NELL1: variants seen among roughly 807,000 people sequenced by gnomAD.
NELL1 encodes neural EGFL like 1.
A neutral mutation model predicts 107.4 loss-of-function variants in NELL1; 76 were observed. The observed-to-expected ratio is 0.71, with a 90% CI of 0.59 to 0.86. The LOEUF (loss-of-function observed/expected upper bound fraction) is 0.86, where lower values mean the gene tolerates loss of function less well. Ranked by LOEUF, NELL1 falls within the 40% of genes least tolerant of loss-of-function variation. The pLI is 0.00. For missense variants in NELL1, 1,024 were observed against 1,005.5 expected (o/e 1.02, Z -0.25); for synonymous variants, 353 against 341.2 (o/e 1.03, Z -0.38).
At chr11:21,199,412 C>T (rs993693041) in intron 13 of NELL1, among the ~76,000 whole-genome samples, 2 of 152,140 alleles carry the variant, frequency 1.3e-5, no homozygotes, top group African/African-American at 4.8e-5. Flanking sequence ...TACACATTCC[C>T]AGGAAAACTC....
intron 2 of NELL1, among the ~76,000 whole-genome samples, chr11:20,691,645 T>C (rs1854469473): frequency 6.6e-6 from 1 of 152,020 alleles, no homozygotes; most frequent in South Asian, 2.1e-4. Context: ...AACTTGATCA[T>C]GGTGGATAAG....
At chr11:21,183,588 G>A (rs963215805) in intron 13 of NELL1, among the ~76,000 whole-genome samples, 1 of 151,734 alleles carries the variant, frequency 6.6e-6, no homozygotes, top group Non-Finnish European at 1.5e-5. Context: ...TGCAGGCATC[G>A]ATCTGTTTGA....
At chr11:21,393,266 G>A (rs891186976) in intron 15 of NELL1, among the ~76,000 whole-genome samples, 17 of 151,666 alleles carry the variant, frequency 1.1e-4, no homozygotes, top group Admixed American at 1.1e-3. Flanking sequence ...TCTGCAGATG[G>A]TCCTTTGTGG....
At chr11:20,690,755 T>A (rs36150129) in intron 2 of NELL1, among the ~76,000 whole-genome samples, 1 of 151,088 alleles carries the variant, frequency 6.6e-6, no homozygotes. Flanking sequence ...AGGATTGACT[T>A]GGCGATGTGG....
At chr11:20,963,911 T>A (rs115468884) in intron 12 of NELL1, among the ~76,000 whole-genome samples, 1 of 152,132 alleles carries the variant, frequency 6.6e-6, no homozygotes, top group Non-Finnish European at 1.5e-5. Context: ...GGCTTTCAAT[T>A]TTCTTAACTT....
chr11:21,401,190 A>G (rs970936325), intron 15 of NELL1, among the ~76,000 whole-genome samples: 1 of 151,804 alleles, frequency 6.6e-6, no homozygotes, highest in Non-Finnish European at 1.5e-5. Context: ...TGTCTTTTCT[A>G]TGAAAACATA....
intron 3 of NELL1, among the ~76,000 whole-genome samples, chr11:20,825,483 C>G (rs1438004300): frequency 6.6e-6 from 1 of 151,434 alleles, no homozygotes; most frequent in Non-Finnish European, 1.5e-5. Context: ...CCACCTCTTG[C>G]ATCTGTGTGA....
intron 3 of NELL1, among the ~76,000 whole-genome samples, chr11:20,797,166 T>C (rs535007959): frequency 3.3e-5 from 5 of 152,254 alleles, no homozygotes; most frequent in Non-Finnish European, 5.9e-5. Context: ...ATGGAAAGGA[T>C]ATAAGCACAG....
intron 5 of NELL1, among the ~76,000 whole-genome samples, chr11:20,905,253 A>T (rs1166766221): frequency 6.6e-6 from 1 of 152,194 alleles, no homozygotes; most frequent in Non-Finnish European, 1.5e-5. Flanking sequence ...GGACTACTGT[A>T]GTATTCAACA....
chr11:21,081,615 T>G (rs2133671363), intron 12 of NELL1, among the ~76,000 whole-genome samples: 1 of 152,200 alleles, frequency 6.6e-6, no homozygotes, highest in South Asian at 2.1e-4. Context: ...AGCATGAGAG[T>G]CATTCTTGAC....
At chr11:20,803,515 T>TTTG (rs1244054425) in intron 3 of NELL1, among the ~76,000 whole-genome samples, 1 of 152,176 alleles carries the variant, frequency 6.6e-6, no homozygotes, top group Admixed American at 6.5e-5. Context: ...TCATTGATCT[T>TTTG]TTGTATTGTT....
chr11:21,100,935 C>T (rs1178387401), intron 12 of NELL1, among the ~76,000 whole-genome samples: 1 of 151,848 alleles, frequency 6.6e-6, no homozygotes, highest in African/African-American at 2.4e-5. Flanking sequence ...GTGTGCTGCA[C>T]CCAGTAACTT....
chr11:21,289,220 C>G (rs1849196532), intron 14 of NELL1, among the ~76,000 whole-genome samples: 2 of 152,158 alleles, frequency 1.3e-5, no homozygotes, highest in Non-Finnish European at 2.9e-5. Context: ...AACTCTTGGG[C>G]AAGATGGCCC....
chr11:20,722,453 C>T (rs1855414325), intron 2 of NELL1, among the ~76,000 whole-genome samples: 1 of 152,176 alleles, frequency 6.6e-6, no homozygotes, highest in Admixed American at 6.5e-5. Flanking sequence ...TCAGTTTCCT[C>T]ATCTGTCACA....
chr11:21,056,878 G>A (rs1339981625), intron 12 of NELL1, among the ~76,000 whole-genome samples: 1 of 152,004 alleles, frequency 6.6e-6, no homozygotes, highest in Non-Finnish European at 1.5e-5. Flanking sequence ...ATTACACAGG[G>A]AGTAAGTGGC....
intron 13 of NELL1, among the ~76,000 whole-genome samples, chr11:21,193,055 A>G (rs1310646634): frequency 1.3e-5 from 2 of 151,844 alleles, no homozygotes; most frequent in Non-Finnish European, 2.9e-5. Flanking sequence ...CCATAACTTG[A>G]CAGTTTACTT....
chr11:21,408,647 G>A (rs71488783), intron 15 of NELL1, among the ~76,000 whole-genome samples: 1 of 151,936 alleles, frequency 6.6e-6, no homozygotes, highest in Non-Finnish European at 1.5e-5. Flanking sequence ...AGTTTCTTTT[G>A]CTGTGCAGAA....
At chr11:21,537,039 A>AT (rs57483671) in intron 16 of NELL1, among the ~76,000 whole-genome samples, 80,200 of 151,912 alleles carry the variant, frequency 0.53, 21,645 homozygotes, top group Non-Finnish European at 0.58. Context: ...AGTTGGAGTC[A>AT]TTGGATTAGT....
At chr11:21,204,071 T>G (rs1445046899) in intron 13 of NELL1, among the ~76,000 whole-genome samples, 3 of 152,170 alleles carry the variant, frequency 2.0e-5, no homozygotes, top group Non-Finnish European at 2.9e-5. Context: ...CCTTGGTGAA[T>G]CTGACAATTA....
Sources: allele counts gnomAD v4.1 joint callset (sites outside exome capture counted in the v4.1 genomes callset), GRCh38; gene constraint gnomAD v4.1.1; transcripts MANE v1.5; gene names NCBI Gene and HGNC (gene_info 2026-07-23, HGNC 2026-07-21).